Variants in CLIP3 observed in about 807,000 individuals in gnomAD.
CLIP3 encodes CAP-Gly domain containing linker protein 3.
In CLIP3, 15 loss-of-function variants were observed where a neutral mutation model predicts 59.4. The ratio of observed to expected loss-of-function variants is 0.25; its 90% CI spans 0.17 to 0.39. The LOEUF (loss-of-function observed/expected upper bound fraction) is 0.39. Ranked by LOEUF, CLIP3 falls within the 10% of genes least tolerant of loss-of-function variation. The pLI, the probability that CLIP3 is intolerant of heterozygous loss-of-function variation, is 1.00. For synonymous variants in CLIP3, 300 were observed against 321.6 expected (o/e 0.93, Z 0.72); for missense variants, 495 against 765.7 (o/e 0.65, Z 4.17).
rs11881428 is a variant in CLIP3, at chr19:36,016,417, G to A, written c.1590-205C>T. ...GGCTGGAGTGCCATGGCACGATCTC[G>A]GCTCACTGCAACCTCTGCCTCCCAG... is the stretch of plus-strand genomic sequence containing the variant. On this transcript the variant is annotated intron_variant, in intron 13 of 13. Transcript: ENST00000360535. The surrounding 1 kb of genome is among the most constrained non-coding windows in gnomAD (Gnocchi z 4.1). 0.11 allele frequency among the ~76,000 whole-genome samples: 16,341 copies of A among 152,188 alleles called. 2,207 individuals carry two copies. The highest frequency in any genetic ancestry group is 0.32 in the African/African-American group (13,086 of 41,496).
At position 36,024,486 on chromosome 19, in the gene CLIP3, C is replaced by T. The variant is rs755471634; in HGVS notation, c.828G>A (p.Thr276=). 54 of 1,614,134 alleles carry T rather than the reference C, an allele frequency of 3.3e-5. No homozygotes were observed. Among genetic ancestry groups the T allele is most frequent in the African/African-American group, 8.0e-5 (6 of 74,948 alleles). Residue 276 remains threonine (T), a synonymous_variant, in exon 7 of 14, where the codon ACG becomes ACA. Coordinates refer to ENST00000360535, the MANE Select transcript of CLIP3 (RefSeq NM_015526.3). The stretch of plus-strand genomic sequence containing the variant: ...CTGGGACGTTGTCATAGTTGGGTAG[C>T]GTGACCTTGGGGAGGGCGCAAGATA... ...VPLSCALPKV[T]LPNYDNVPGN...
In CLIP3 at chr19:36,027,147, G is replaced by T; in HGVS notation, c.291C>A (p.Asp97Glu). Residue 97 changes from aspartate (D) to glutamate (E), a missense_variant, in exon 3 of 14, where the codon GAC becomes GAA. Transcript: ENST00000360535. Reference protein sequence around the residue: ...QWVPQVQHKIDVIGNEILRRG... With the variant: ...QWVPQVQHKIEVIGNEILRRG... ...GTGTTCTCACCTCATTGCCGATGAC[G>T]TCTATCTTGTGCTGGACTTGGGGCA... is the stretch of plus-strand genomic sequence containing the variant. 6.2e-7 allele frequency: 1 copy of T among 1,611,454 alleles called. No homozygotes were observed. Among genetic ancestry groups the T allele is most frequent in the Non-Finnish European group, 8.5e-7 (1 of 1,178,838 alleles).
rs570961155 is a variant in CLIP3, at chr19:36,032,108, A to G, written c.166+84T>C. ...CCTTCAAATTCCCCAGAATTCTCCC[A>G]CCATCACCACCAGCAGAGCACAGCC... On this transcript the variant is annotated intron_variant, in intron 2 of 13. Transcript: ENST00000360535. The surrounding 1 kb of genome is among the most constrained non-coding windows in gnomAD (Gnocchi z 4.3). 5.7e-4 allele frequency: 418 copies of G among 735,064 alleles called. No individual in the cohort carries two copies. In the African/African-American group the frequency reaches 7.2e-3, roughly 13 times the overall value. 45.5% of individuals were successfully genotyped at this position (735,064 alleles called of 1,614,324 possible). A position where few individuals can be genotyped will look rare whatever the true frequency, so the allele number is the denominator to read the frequency against.
intron 2 of CLIP3, among the ~76,000 whole-genome samples, chr19:36,031,024 T>TTTTTTTTTTTTTTTTTTTTTTC (rs1969251111): frequency 2.3e-4 from 17 of 73,582 alleles, no homozygotes; most frequent in Admixed American, 5.8e-4. Flanking sequence ...TTTTTTTTTC[T>TTTTTTTTTTTTTTTTTTTTTTC]TTTTTTTTTT....
rs569633555 is a variant in CLIP3 at position 36,017,833 on chromosome 19, A to C, written c.1327+15T>G. Reference sequence around the variant, plus strand: ...AGGCCCTGCCTGCCTCCCGGCCCAGAGTCCCCATCCTCACCTGGGGCAAAG... The same window carrying C: ...AGGCCCTGCCTGCCTCCCGGCCCAGCGTCCCCATCCTCACCTGGGGCAAAG... On this transcript the variant is annotated intron_variant, in intron 10 of 13. Transcript: ENST00000360535. The C allele has an allele frequency of 2.0e-5, 32 of 1,614,124 alleles. 1 individual carries two copies. In the South Asian group the frequency reaches 3.5e-4, roughly 18 times the overall value.
Position 36,017,985 on chromosome 19 carries a change from T to C in CLIP3, c.1190A>G (p.Lys397Arg), listed in dbSNP as rs1394091907. 1.2e-6 allele frequency: 2 copies of C among 1,613,838 alleles called. No homozygotes were observed. Among genetic ancestry groups the C allele is most frequent in the South Asian group, 2.2e-5 (2 of 91,068 alleles). The change falls in exon 10 of 14, where the codon AAG (lysine) becomes AGG (arginine). Residue 397 changes from lysine to arginine, a missense_variant. Physicochemically the swap from Lys to Arg is conservative, Grantham distance 26. Transcript: ENST00000360535. ...CAGAGATGGGGATGATGGGGTCTTC[T>C]TCTTGCCTAAGGGTAGAAGGTGTAG... is the stretch of plus-strand genomic sequence containing the variant. ...GKGRREHKGK[K>R]KTPSSPSLGS...
At chr19:36,024,787 C>T (rs570560118) in intron 6 of CLIP3, among the ~76,000 whole-genome samples, 155 bp from the exon 7 acceptor site, 19 of 152,256 alleles carry the variant, frequency 1.2e-4, no homozygotes, top group South Asian at 1.0e-3. Flanking sequence ...CAGGGCAAGG[C>T]GGGGTAAGGT....
intron 2 of CLIP3, among the ~76,000 whole-genome samples, chr19:36,031,140 C>T (rs1240480117): frequency 6.6e-6 from 1 of 150,644 alleles, no homozygotes; most frequent in Non-Finnish European, 1.5e-5. Context: ...CTCAGCCTCC[C>T]GAGTGGCTGG....
rs562152654 is a variant in CLIP3 at position 36,026,095 on chromosome 19, G to A, written c.681+52C>T. On this transcript the variant is annotated intron_variant, in intron 6 of 13. Coordinates refer to ENST00000360535, the MANE Select transcript of CLIP3 (RefSeq NM_015526.3). The surrounding 1 kb of genome is among the most constrained non-coding windows in gnomAD (Gnocchi z 6.3). ...ACGCAGAGACCTGCTGGAGGGAAGT[G>A]GGGGAGGAAGGGAGCAGGAGGGTAA... 5.8e-6 allele frequency: 8 copies of A among 1,373,500 alleles called. No homozygotes were observed. The highest frequency in any genetic ancestry group is 1.4e-5 in the African/African-American group (1 of 70,338). The allele number at this position is 1,373,500 out of a possible 1,614,324, so 85.1% of individuals were successfully genotyped here.
At chr19:36,024,361 C>G in intron 7 of CLIP3, 35 bp downstream of exon 7, 1 of 1,573,424 alleles carries the variant, frequency 6.4e-7, no homozygotes, top group Non-Finnish European at 8.7e-7. Context: ...GTCCCACCCC[C>G]ACCCACCATG....
At chr19:36,018,818 G>A (rs1447930534) in intron 9 of CLIP3, 80 bp downstream of exon 9, 1 of 1,531,748 alleles carries the variant, frequency 6.5e-7, no homozygotes, top group Non-Finnish European at 8.8e-7. Context: ...GGCCTGAGGA[G>A]AAACTGAGTC....
chr19:36,027,712 A>G (rs1206669512), intron 2 of CLIP3, among the ~76,000 whole-genome samples: 2 of 152,150 alleles, frequency 1.3e-5, no homozygotes, highest in Non-Finnish European at 1.5e-5. Flanking sequence ...AACTCTCTCA[A>G]TTGTTTCAAA....
At chr19:36,019,792 G>A (rs911489828) in intron 7 of CLIP3, among the ~76,000 whole-genome samples, 28 of 151,500 alleles carry the variant, frequency 1.8e-4, no homozygotes, top group Admixed American at 3.3e-4. Flanking sequence ...TAGTAGAGAC[G>A]GGGCTTCGCC....
At position 36,019,046 on chromosome 19, in the gene CLIP3, G is replaced by A; in HGVS notation, c.1055-20C>T. 6.3e-7 allele frequency: 1 copy of A among 1,582,890 alleles called. No individual in the cohort carries two copies. Among genetic ancestry groups the A allele is most frequent in the Non-Finnish European group, 8.6e-7 (1 of 1,162,580 alleles). ...AGAGACCTAGGGGTACAGAATCCGAGCCTGGTGTTGTCCAAGCCTCTGCCC... is the reference window on the plus strand; with the variant it reads ...AGAGACCTAGGGGTACAGAATCCGAACCTGGTGTTGTCCAAGCCTCTGCCC... On this transcript the variant is annotated intron_variant, in intron 8 of 13. Transcript: ENST00000360535.
intron 7 of CLIP3, among the ~76,000 whole-genome samples, chr19:36,019,560 C>G (rs968623371): frequency 5.3e-5 from 8 of 151,984 alleles, no homozygotes; most frequent in African/African-American, 1.9e-4. Context: ...TGAATAGTGA[C>G]TAGCCACATA....
rs1274410010 is a variant in CLIP3 at position 36,026,591 on chromosome 19, G to A, written c.557C>T (p.Pro186Leu). The change falls in exon 5 of 14, where the codon CCG becomes CTG. Residue 186 changes from proline (P) to leucine (L), a missense_variant. Pro to Leu is a moderately conservative substitution (Grantham distance 98). Coordinates refer to ENST00000360535, the MANE Select transcript of CLIP3 (RefSeq NM_015526.3). This position sits in a 1 kb window ranked among gnomAD's most constrained non-coding sequence, Gnocchi z 6.3. ...LVRVLLKGARPRVVNSTCSDF... is the reference protein window; with the variant it reads ...LVRVLLKGARLRVVNSTCSDF... ...GCCAGGGCTCTCCTCCTCACCTCGC[G>A]GCCTCGCACCCTTCAGCAGCACACG... The A allele has an allele frequency of 1.9e-6, 3 of 1,613,448 alleles. No individual in the cohort carries two copies. The highest frequency in any genetic ancestry group is 8.5e-7 in the Non-Finnish European group (1 of 1,179,840).
rs1968838376 is a variant in CLIP3, at chr19:36,017,728, A to T, written c.1378T>A (p.Ser460Thr). The T allele has an allele frequency of 6.2e-7, 1 of 1,613,942 alleles. No homozygotes were observed. Among genetic ancestry groups the T allele is most frequent in the African/African-American group, 1.3e-5 (1 of 74,864 alleles). ...LDQPTGKHDGSVFGVRYFTCP... is the reference protein window; with the variant it reads ...LDQPTGKHDGTVFGVRYFTCP... ...GTGAAGTACCGGACACCGAAGACAG[A>T]GCCATCATGCTTGCCTGTGGGCTGG... Residue 460 changes from serine to threonine, a missense_variant, in exon 11 of 14, where the codon TCT (serine) becomes ACT (threonine). Physicochemically the swap from Ser to Thr is moderately conservative, Grantham distance 58 (BLOSUM62 1). Coordinates refer to ENST00000360535, the MANE Select transcript of CLIP3 (RefSeq NM_015526.3).
Position 36,032,266 on chromosome 19 carries a change from G to A in CLIP3, c.92C>T (p.Pro31Leu). ...EEEDEPVPEA[P>L]SPTQERRQKP... The stretch of plus-strand genomic sequence containing the variant: ...CTGCCGGCGCTCCTGGGTGGGGCTG[G>A]GGGCCTCGGGGACGGGTTCATCCTC... Residue 31 changes from proline (P) to leucine (L), a missense_variant, in exon 2 of 14, where the codon CCC (proline) becomes CTC (leucine). Transcript: ENST00000360535. The surrounding 1 kb of genome is among the most constrained non-coding windows in gnomAD (Gnocchi z 4.3). 6.2e-6 allele frequency: 8 copies of A among 1,299,336 alleles called. No individual in the cohort carries two copies. The highest frequency in any genetic ancestry group is 7.9e-6 in the Non-Finnish European group (8 of 1,014,090). 80.5% of individuals were successfully genotyped at this position (1,299,336 alleles called of 1,614,324 possible).
In CLIP3 at chr19:36,026,064, C is replaced by G. The variant is rs917174651; in HGVS notation, c.681+83G>C. 77 of 1,026,386 alleles carry G rather than the reference C, an allele frequency of 7.5e-5. No individual in the cohort carries two copies. In the Admixed American group the frequency reaches 1.3e-3, roughly 17 times the overall value. 63.6% of individuals were successfully genotyped at this position (1,026,386 alleles called of 1,614,324 possible). A position where few individuals can be genotyped will look rare whatever the true frequency, so the allele number is the denominator to read the frequency against. On this transcript the variant is annotated intron_variant, in intron 6 of 13. Coordinates refer to ENST00000360535, the MANE Select transcript of CLIP3 (RefSeq NM_015526.3). The surrounding 1 kb of genome is among the most constrained non-coding windows in gnomAD (Gnocchi z 6.3). The stretch of plus-strand genomic sequence containing the variant: ...GGCATTTGTAGTATTTGGGGAGTCA[C>G]GGGAAACGCAGAGACCTGCTGGAGG...
Sources: allele counts gnomAD v4.1 joint callset (sites outside exome capture counted in the v4.1 genomes callset), GRCh38; gene constraint gnomAD v4.1.1; non-coding constraint Gnocchi (gnomAD v3.1); transcripts MANE v1.5; gene names NCBI Gene and HGNC (gene_info 2026-07-23, HGNC 2026-07-21).